The following ZNF385D variants were observed in gnomAD, a reference collection of about 807,000 sequenced individuals.
ZNF385D encodes the protein zinc finger protein 659.
In ZNF385D, 15 loss-of-function variants were observed where a neutral mutation model predicts 35.8. The observed-to-expected ratio is 0.42, with a 90% CI of 0.28 to 0.64. The LOEUF (loss-of-function observed/expected upper bound fraction) is 0.64, where lower values mean the gene tolerates loss of function less well. Ranked by LOEUF, ZNF385D falls within the 30% of genes least tolerant of loss-of-function variation. The pLI is 0.23. For missense variants in ZNF385D, 474 were observed against 494.6 expected (o/e 0.96, Z 0.39); for synonymous variants, 212 against 186.8 (o/e 1.13, Z -1.10).
chr3:21,834,080 G>C lies in ZNF385D; in HGVS notation c.326-169052C>G, dbSNP rs567805966. Among the ~76,000 whole-genome samples the C allele has an allele frequency of 1.1e-4, 16 of 152,044 alleles. No homozygotes were observed. The East Asian group carries it at 3.1e-3, about 29-fold the overall frequency. ...CTTTGATAGTTAAACAAAAAAAGTG[G>C]ACAATAAGAAAAAAAGGGAATAGGT... is the stretch of plus-strand genomic sequence containing the variant. On this transcript the variant is annotated intron_variant, in intron 3 of 5. Transcript: ENST00000494108.
chr3:22,074,530 A>G (rs1700375186), intron 3 of ZNF385D, among the ~76,000 whole-genome samples: 1 of 151,936 alleles, frequency 6.6e-6, no homozygotes, highest in Admixed American at 6.6e-5. Flanking sequence ...AAATTATATA[A>G]GCAGCCTGAA....
At chr3:21,767,525 T>G (rs2070882823) in intron 3 of ZNF385D, among the ~76,000 whole-genome samples, 1 of 152,056 alleles carries the variant, frequency 6.6e-6, no homozygotes. Context: ...CTTTCTAGAC[T>G]AAGACTCCTG....
chr3:21,546,512 G>A (rs2062377857), intron 3 of ZNF385D, among the ~76,000 whole-genome samples: 1 of 152,000 alleles, frequency 6.6e-6, no homozygotes, highest in Non-Finnish European at 1.5e-5. Context: ...CAGTTCCACA[G>A]TTTCACCTTA....
intron 3 of ZNF385D, among the ~76,000 whole-genome samples, chr3:22,064,078 A>G (rs1423248586): frequency 6.6e-6 from 1 of 152,314 alleles, no homozygotes; most frequent in South Asian, 2.1e-4. Context: ...CACACTTTGT[A>G]CCTCACCTTT....
intron 1 of ZNF385D, among the ~76,000 whole-genome samples, chr3:21,674,031 T>C (rs1056071455): frequency 1.3e-5 from 2 of 152,126 alleles, no homozygotes; most frequent in Non-Finnish European, 2.9e-5. Flanking sequence ...TCTTGTTACA[T>C]GGTCTTGTTT....
chr3:22,299,377 G>A (rs1192602292), intron 2 of ZNF385D, among the ~76,000 whole-genome samples: 1 of 151,786 alleles, frequency 6.6e-6, no homozygotes, highest in African/African-American at 2.4e-5. Flanking sequence ...CTTGCATGCT[G>A]AATATTTTTC....
chr3:21,491,743 A>G (rs1042687988), intron 4 of ZNF385D, among the ~76,000 whole-genome samples: 2 of 152,170 alleles, frequency 1.3e-5, no homozygotes, highest in African/African-American at 4.8e-5. Context: ...AATAGTTATG[A>G]CAGAGGCTAA....
intron 2 of ZNF385D, among the ~76,000 whole-genome samples, chr3:22,288,228 T>A (rs1258099943): frequency 1.3e-5 from 2 of 152,082 alleles, no homozygotes; most frequent in Non-Finnish European, 2.9e-5. Context: ...AGAGTGAGTA[T>A]CTTTATATGC....
chr3:21,944,434 A>G (rs147809634), intron 3 of ZNF385D, among the ~76,000 whole-genome samples: 78 of 152,326 alleles, frequency 5.1e-4, no homozygotes, highest in African/African-American at 1.4e-3. Context: ...GCACCAATAT[A>G]TTAGAAACAA....
intron 3 of ZNF385D, among the ~76,000 whole-genome samples, chr3:21,846,182 C>A (rs1010799531): frequency 6.6e-6 from 1 of 151,964 alleles, no homozygotes; most frequent in Non-Finnish European, 1.5e-5. Flanking sequence ...GGGAAACAGG[C>A]CAACATGGTA....
intron 1 of ZNF385D, among the ~76,000 whole-genome samples, chr3:21,699,449 G>A (rs1414876387): frequency 6.6e-6 from 1 of 151,836 alleles, no homozygotes; most frequent in East Asian, 1.9e-4. Flanking sequence ...TAACACACCT[G>A]CACATTCTGC....
At chr3:21,842,287 C>T (rs1297954323) in intron 3 of ZNF385D, among the ~76,000 whole-genome samples, 1 of 151,928 alleles carries the variant, frequency 6.6e-6, no homozygotes, top group Non-Finnish European at 1.5e-5. Context: ...AAATACCTCT[C>T]ATTTTGAATA....
intron 3 of ZNF385D, among the ~76,000 whole-genome samples, chr3:22,154,592 T>C (rs1388896700): frequency 6.6e-6 from 1 of 152,204 alleles, no homozygotes; most frequent in African/African-American, 2.4e-5. Flanking sequence ...AAATGAGGTA[T>C]GAGCCATAAA....
At chr3:21,918,600 G>T (rs2125922464) in intron 3 of ZNF385D, among the ~76,000 whole-genome samples, 1 of 152,236 alleles carries the variant, frequency 6.6e-6, no homozygotes, top group African/African-American at 2.4e-5. Context: ...CAGCATACAT[G>T]AGAGGAAAAG....
At chr3:21,449,032 A>T (rs1324179619) in intron 4 of ZNF385D, among the ~76,000 whole-genome samples, 2 of 152,060 alleles carry the variant, frequency 1.3e-5, no homozygotes, top group Non-Finnish European at 2.9e-5. Context: ...GGCTTCATTT[A>T]AAAATTGTTT....
chr3:21,704,278 C>G (rs1380815226), intron 1 of ZNF385D, among the ~76,000 whole-genome samples: 2 of 152,068 alleles, frequency 1.3e-5, no homozygotes, highest in Non-Finnish European at 2.9e-5. Flanking sequence ...GGATTCTACT[C>G]AGGTCCTGCC....
At chr3:22,039,192 T>C (rs1404076655) in intron 3 of ZNF385D, among the ~76,000 whole-genome samples, 2 of 146,168 alleles carry the variant, frequency 1.4e-5, no homozygotes, top group African/African-American at 5.1e-5. Flanking sequence ...ATGTGAATGA[T>C]GAATGGAAGC....
intron 3 of ZNF385D, among the ~76,000 whole-genome samples, chr3:21,898,695 A>T (rs183492761): frequency 1.3e-5 from 2 of 152,236 alleles, no homozygotes; most frequent in East Asian, 3.9e-4. Flanking sequence ...TTTTCAAGTA[A>T]CAGAAGCCTG....
chr3:22,359,607 T>C (rs867904406), intron 2 of ZNF385D, among the ~76,000 whole-genome samples: 19 of 151,850 alleles, frequency 1.3e-4, no homozygotes, highest in African/African-American at 4.1e-4. Context: ...GTATCTACCA[T>C]TTAAATGTAC....
Sources: allele counts gnomAD v4.1 joint callset (sites outside exome capture counted in the v4.1 genomes callset), GRCh38; gene constraint gnomAD v4.1.1; transcripts MANE v1.5; gene names NCBI Gene and HGNC (gene_info 2026-07-23, HGNC 2026-07-21).